The following HDAC4 variants were observed in gnomAD, a reference collection of about 807,000 sequenced individuals.
The protein encoded by HDAC4 is histone deacetylase A.
Under a neutral mutation model 135.1 loss-of-function variants are expected in HDAC4, and 16 were observed. That is an observed-to-expected ratio of 0.12 (90% CI 0.08 to 0.18). HDAC4 has a LOEUF of 0.18. Ranked by LOEUF, HDAC4 falls within the 10% of genes least tolerant of loss-of-function variation. The probability of loss-of-function intolerance (pLI) is 1.00; values close to 1 mark genes in which losing one functional copy is unlikely to be tolerated. For missense variants in HDAC4, 1,143 were observed against 1,511.8 expected (o/e 0.76, Z 4.05); for synonymous variants, 685 against 653.4 (o/e 1.05, Z -0.74).
intron 22 of HDAC4, among the ~76,000 whole-genome samples, chr2:239,071,102 T>C (rs1011615108): frequency 2.6e-5 from 4 of 152,120 alleles, no homozygotes; most frequent in African/African-American, 9.7e-5. Context: ...GAAGCATTGT[T>C]GTGGAGGACT....
At chr2:239,366,040 G>A (rs535242768) in intron 1 of HDAC4, among the ~76,000 whole-genome samples, 17 of 149,808 alleles carry the variant, frequency 1.1e-4, no homozygotes, top group Admixed American at 4.6e-4. Context: ...GAGCAGGGTC[G>A]TCAGGGTCAC....
At chr2:239,312,057 A>G (rs1369124179) in intron 2 of HDAC4, among the ~76,000 whole-genome samples, 2 of 152,204 alleles carry the variant, frequency 1.3e-5, no homozygotes, top group African/African-American at 4.8e-5. Flanking sequence ...GCCAAGAAAA[A>G]TCACACCAGA....
At chr2:239,282,219 T>TAC (rs1405036121) in intron 2 of HDAC4, among the ~76,000 whole-genome samples, 2 of 113,048 alleles carry the variant, frequency 1.8e-5, no homozygotes, top group African/African-American at 3.8e-5. Context: ...CACACCTCTC[T>TAC]ACACAATGTA....
chr2:239,054,798 T>G lies in HDAC4; in HGVS notation c.3039A>C (p.Arg1013Ser). Reference protein sequence around the residue: ...DPLPEKVLQQRPNANAVRSME... With the variant: ...DPLPEKVLQQSPNANAVRSME... ...TGGAACGGACAGCGTTTGCATTGGG[T>G]CTTTGCTGTAAAACCTTTTCTGGGA... The change falls in exon 25 of 27, where the codon AGA becomes AGC. Residue 1013 changes from arginine (R) to serine (S), a missense_variant. Transcript: ENST00000543185. 2.5e-6 allele frequency: 4 copies of G among 1,613,438 alleles called. No individual in the cohort carries two copies. The highest frequency in any genetic ancestry group is 2.5e-6 in the Non-Finnish European group (3 of 1,179,472).
At chr2:239,143,086 G>C (rs1476922884) in intron 8 of HDAC4, among the ~76,000 whole-genome samples, 1 of 152,184 alleles carries the variant, frequency 6.6e-6, no homozygotes, top group Non-Finnish European at 1.5e-5. Context: ...TGTGCTGCTT[G>C]CTCAAATTAC....
chr2:239,145,341 C>T (rs1439401455), intron 7 of HDAC4, among the ~76,000 whole-genome samples: 2 of 152,092 alleles, frequency 1.3e-5, no homozygotes, highest in Admixed American at 1.3e-4. Flanking sequence ...GCGCCGGCTT[C>T]ACCTTTCATC....
intron 7 of HDAC4, 126 bp from the exon 8 acceptor site, chr2:239,144,840 C>T: frequency 1.1e-6 from 1 of 937,922 alleles, no homozygotes; most frequent in Admixed American, 1.9e-5. Flanking sequence ...TGTGTTGCTG[C>T]AGGGGAGAGC....
chr2:239,102,651 C>G (rs1003412062), intron 16 of HDAC4, 125 bp downstream of exon 16: 3 of 1,063,530 alleles, frequency 2.8e-6, no homozygotes, highest in Non-Finnish European at 2.8e-6. Flanking sequence ...CCCTTTCAGG[C>G]CCTTTACCTT....
chr2:239,214,324 C>G (rs936222654), intron 3 of HDAC4, among the ~76,000 whole-genome samples: 2 of 152,172 alleles, frequency 1.3e-5, no homozygotes, highest in African/African-American at 4.8e-5. Context: ...CCTCTGACTC[C>G]GATCCTCTTG....
intron 2 of HDAC4, among the ~76,000 whole-genome samples, chr2:239,334,975 A>T (rs1191959089): frequency 6.7e-6 from 1 of 149,276 alleles, no homozygotes; most frequent in Admixed American, 6.8e-5. Flanking sequence ...CAGTGAGCCA[A>T]GATCGTGCCA....
chr2:239,244,016 G>T (rs770913294), intron 2 of HDAC4, among the ~76,000 whole-genome samples: 1 of 152,042 alleles, frequency 6.6e-6, no homozygotes, highest in Non-Finnish European at 1.5e-5. Flanking sequence ...ATCCTGCTTG[G>T]GTATTTTATA....
intron 1 of HDAC4, among the ~76,000 whole-genome samples, chr2:239,372,496 GCACA>G (rs538558861): frequency 7.2e-5 from 11 of 152,152 alleles, no homozygotes; most frequent in African/African-American, 2.2e-4. Flanking sequence ...ACACACGCGC[GCACA>G]CACACAGACA....
At chr2:239,235,832 G>A (rs1221890589) in intron 3 of HDAC4, among the ~76,000 whole-genome samples, 4 of 152,136 alleles carry the variant, frequency 2.6e-5, no homozygotes, top group Non-Finnish European at 4.4e-5. Flanking sequence ...TTGAGCTCAG[G>A]AGTTCAAGAC....
chr2:239,390,019 C>T (rs959586188), intron 1 of HDAC4, among the ~76,000 whole-genome samples: 3 of 152,136 alleles, frequency 2.0e-5, no homozygotes, highest in Non-Finnish European at 2.9e-5. Context: ...CTGGGAGCAG[C>T]GGGCAGGGCC....
intron 2 of HDAC4, among the ~76,000 whole-genome samples, chr2:239,325,453 T>A (rs538616504): frequency 6.6e-6 from 1 of 152,096 alleles, no homozygotes; most frequent in Non-Finnish European, 1.5e-5. Flanking sequence ...CAACGGCCAA[T>A]AGGTACATGA....
intron 24 of HDAC4, among the ~76,000 whole-genome samples, chr2:239,058,760 G>A (rs933049116): frequency 2.0e-5 from 3 of 152,266 alleles, no homozygotes; most frequent in Non-Finnish European, 4.4e-5. Context: ...ACAAGAATAT[G>A]TGTGTCCCAC....
At chr2:239,085,573 G>A (rs181028617) in intron 19 of HDAC4, among the ~76,000 whole-genome samples, 1 of 152,178 alleles carries the variant, frequency 6.6e-6, no homozygotes, top group African/African-American at 2.4e-5. Flanking sequence ...AATTAGAAAA[G>A]AAACTTCAGA....
chr2:239,330,202 A>G (rs1326038973), intron 2 of HDAC4, among the ~76,000 whole-genome samples: 1 of 152,260 alleles, frequency 6.6e-6, no homozygotes, highest in Non-Finnish European at 1.5e-5. Context: ...GCCACAGGAG[A>G]GCCAGAGGGA....
At chr2:239,339,404 G>A (rs577950568) in intron 2 of HDAC4, among the ~76,000 whole-genome samples, 1 of 152,182 alleles carries the variant, frequency 6.6e-6, no homozygotes, top group Non-Finnish European at 1.5e-5. Context: ...GCCCAGTCCA[G>A]GTCACCCCGG....
Sources: gnomAD v4.1 joint callset for allele counts (sites outside exome capture counted in the v4.1 genomes callset) on GRCh38, gnomAD v4.1.1 for gene constraint, MANE v1.5 for transcripts, NCBI Gene and HGNC (gene_info 2026-07-23, HGNC 2026-07-21) for gene names.